Variants in ERC2 observed in about 807,000 individuals in gnomAD.
The protein encoded by ERC2 is ELKS/RAB6-interacting/CAST family member 2.
In ERC2, 42 loss-of-function variants were observed where a neutral mutation model predicts 114.8. The observed-to-expected ratio is 0.37, with a 90% CI of 0.29 to 0.47. The LOEUF is 0.47. ERC2 is among the 20% of genes least tolerant of loss of function. The pLI, the probability that ERC2 is intolerant of heterozygous loss-of-function variation, is 0.99. For synonymous variants in ERC2, 454 were observed against 425.5 expected, an observed-to-expected ratio of 1.07 and a Z score of -0.82; for missense variants, 939 against 1,150.7, an observed-to-expected ratio of 0.82 and a Z score of 2.66.
At chr3:55,967,169 T>A (rs184717346) in intron 12 of ERC2, among the ~76,000 whole-genome samples, 1 of 152,296 alleles carries the variant, frequency 6.6e-6, no homozygotes, top group East Asian at 1.9e-4. Flanking sequence ...TTTTCGAAAA[T>A]TCCTATGGGA....
intron 12 of ERC2, among the ~76,000 whole-genome samples, chr3:55,959,555 T>C (rs1281498985): frequency 6.6e-6 from 1 of 152,156 alleles, no homozygotes; most frequent in East Asian, 1.9e-4. Context: ...CAGAACTCAA[T>C]GTTGAACCCA....
chr3:55,600,724 C>G (rs1409284432), intron 17 of ERC2, among the ~76,000 whole-genome samples: 1 of 152,182 alleles, frequency 6.6e-6, no homozygotes, highest in East Asian at 1.9e-4. Context: ...AACACTTGTC[C>G]CAGAGAGCAG....
chr3:55,593,676 T>C (rs1469678367), intron 17 of ERC2, among the ~76,000 whole-genome samples: 1 of 152,138 alleles, frequency 6.6e-6, no homozygotes, highest in Non-Finnish European at 1.5e-5. Flanking sequence ...GTGGGGCAGG[T>C]ACTTTTATGG....
intron 17 of ERC2, among the ~76,000 whole-genome samples, chr3:55,540,409 T>C (rs1029950628): frequency 3.3e-5 from 5 of 152,202 alleles, no homozygotes; most frequent in Admixed American, 2.6e-4. Flanking sequence ...GACTGAGAAC[T>C]AGGGGACTAA....
chr3:56,021,479 A>G (rs565251257), intron 7 of ERC2, among the ~76,000 whole-genome samples: 263 of 152,326 alleles, frequency 1.7e-3, no homozygotes, highest in African/African-American at 5.8e-3. Flanking sequence ...TAATAATTTA[A>G]TAAATAAAAC....
intron 7 of ERC2, among the ~76,000 whole-genome samples, chr3:56,079,253 G>C (rs778062985): frequency 6.6e-6 from 1 of 151,956 alleles, no homozygotes; most frequent in African/African-American, 2.4e-5. Context: ...TCACGAAAGC[G>C]CTTCCATTTT....
intron 16 of ERC2, among the ~76,000 whole-genome samples, chr3:55,684,493 T>C (rs1471344688): frequency 1.3e-5 from 2 of 152,210 alleles, no homozygotes; most frequent in African/African-American, 2.4e-5. Context: ...GGTATGATTA[T>C]ACAGTTGCAT....
chr3:55,706,577 A>AT (rs2063502818), intron 15 of ERC2, among the ~76,000 whole-genome samples: 1 of 150,832 alleles, frequency 6.6e-6, no homozygotes, highest in Non-Finnish European at 1.5e-5. Flanking sequence ...ATTTTATTTT[A>AT]TTTTTTGTAT....
At chr3:56,306,999 C>G (rs749534153) in intron 2 of ERC2, among the ~76,000 whole-genome samples, 1 of 152,216 alleles carries the variant, frequency 6.6e-6, no homozygotes, top group South Asian at 2.1e-4. Flanking sequence ...GTGCCTACAG[C>G]CATCCTCCTT....
chr3:56,156,511 C>G (rs1374151993), intron 4 of ERC2, among the ~76,000 whole-genome samples: 1 of 152,058 alleles, frequency 6.6e-6, no homozygotes, highest in Non-Finnish European at 1.5e-5. Flanking sequence ...AGGATTAACT[C>G]TTTAGTAGCT....
chr3:55,694,268 CTTTA>C (rs1398822217), intron 16 of ERC2, among the ~76,000 whole-genome samples: 1 of 152,102 alleles, frequency 6.6e-6, no homozygotes, highest in African/African-American at 2.4e-5. Context: ...CTCTGAGTTT[CTTTA>C]TTTATGCAAT....
rs531479196 is a variant in ERC2, at chr3:56,214,829, G to A, written c.1075-41309C>T. ...ACTCTACGAGCCAGAAGAGAGTGGGGGCCAATATTCAACATTCTTAAAGAA... is the reference window on the plus strand; with the variant it reads ...ACTCTACGAGCCAGAAGAGAGTGGGAGCCAATATTCAACATTCTTAAAGAA... On this transcript the variant is annotated intron_variant, in intron 3 of 17. Coordinates refer to ENST00000288221, the MANE Select transcript of ERC2 (RefSeq NM_015576.3). Among the ~76,000 whole-genome samples the A allele has an allele frequency of 1.5e-4, 23 of 152,232 alleles. No individual in the cohort carries two copies. The South Asian group carries it at 4.4e-3, about 29-fold the overall frequency.
At chr3:55,630,131 T>C (rs569985333) in intron 17 of ERC2, among the ~76,000 whole-genome samples, 1 of 152,334 alleles carries the variant, frequency 6.6e-6, no homozygotes, top group East Asian at 1.9e-4. Context: ...GCAGCTACTC[T>C]CCTAAAGCAT....
At chr3:56,298,728 G>T (rs893204190) in intron 2 of ERC2, among the ~76,000 whole-genome samples, 16 of 152,034 alleles carry the variant, frequency 1.1e-4, no homozygotes, top group African/African-American at 3.6e-4. Context: ...GGACTCTAAA[G>T]GGTATGGGGC....
At chr3:55,831,788 G>A (rs542542181) in intron 14 of ERC2, among the ~76,000 whole-genome samples, 4 of 152,280 alleles carry the variant, frequency 2.6e-5, no homozygotes, top group Non-Finnish European at 4.4e-5. Context: ...TGTGTGAGTC[G>A]AAGCAGGGCG....
chr3:55,517,446 CAAAAAAAAA>C lies in ERC2; in HGVS notation c.*40-6179_*40-6171del, dbSNP rs11309251. ...TGGGTGACGGAGTAAGACTCCGTCT[CAAAAAAAAA>C]AAAAAAAAAAAAAAATTATCAAAAA... On this transcript the variant is annotated intron_variant, in intron 17 of 17. Coordinates refer to ENST00000288221, the MANE Select transcript of ERC2 (RefSeq NM_015576.3). Among the ~76,000 whole-genome samples, 53 of 90,128 alleles carry C rather than the reference CAAAAAAAAA, an allele frequency of 5.9e-4. No homozygotes were observed. The Middle Eastern group carries it at 0.029, about 50-fold the overall frequency. The allele number at this position is 90,128 out of a possible 152,430, so 59.1% of individuals were successfully genotyped here. A position where few individuals can be genotyped will look rare whatever the true frequency, so the allele number is the denominator to read the frequency against.
At chr3:56,304,061 C>T (rs2056069662) in intron 2 of ERC2, among the ~76,000 whole-genome samples, 1 of 152,036 alleles carries the variant, frequency 6.6e-6, no homozygotes, top group South Asian at 2.1e-4. Context: ...ATTGAAGAAT[C>T]AGCATGGAAA....
At chr3:56,229,911 G>T (rs943888442) in intron 3 of ERC2, among the ~76,000 whole-genome samples, 1 of 116,954 alleles carries the variant, frequency 8.6e-6, no homozygotes, top group East Asian at 2.5e-4. Flanking sequence ...TCGCTCTGTC[G>T]CTCAGGCTGG....
At chr3:56,274,768 C>T (rs1003122137) in intron 3 of ERC2, among the ~76,000 whole-genome samples, 5 of 152,162 alleles carry the variant, frequency 3.3e-5, no homozygotes, top group Admixed American at 6.5e-5. Context: ...TCTTGATATA[C>T]CAGGAAGAGA....
Sources: gnomAD v4.1 joint callset for allele counts (sites outside exome capture counted in the v4.1 genomes callset) on GRCh38, gnomAD v4.1.1 for gene constraint, MANE v1.5 for transcripts, NCBI Gene and HGNC (gene_info 2026-07-23, HGNC 2026-07-21) for gene names.